MEGF11: variants seen among roughly 807,000 people sequenced by gnomAD.
The protein encoded by MEGF11 is multiple EGF like domains 11.
Under a neutral mutation model 146.6 loss-of-function variants are expected in MEGF11, and 126 were observed. That is an observed-to-expected ratio of 0.86 (90% confidence interval 0.74 to 1.00). The LOEUF (loss-of-function observed/expected upper bound fraction) is 1.00, where lower values mean the gene tolerates loss of function less well. MEGF11 is among the 50% of genes least tolerant of loss of function. The pLI is 0.00. For missense variants in MEGF11, 1,509 were observed against 1,521.2 expected (o/e 0.99, Z 0.13); for synonymous variants, 532 against 583.4 (o/e 0.91, Z 1.27).
At chr15:65,977,471 C>T (rs1276397591) in intron 7 of MEGF11, among the ~76,000 whole-genome samples, 1 of 149,738 alleles carries the variant, frequency 6.7e-6, no homozygotes, top group Non-Finnish European at 1.5e-5. Context: ...CAAAAACTCT[C>T]TCCCTCTTTT....
chr15:66,199,729 C>A (rs2091102873), intron 1 of MEGF11, among the ~76,000 whole-genome samples: 3 of 152,132 alleles, frequency 2.0e-5, no homozygotes, highest in African/African-American at 7.2e-5. Context: ...ATGGAGGCTG[C>A]AGTGAGCCAT....
intron 1 of MEGF11, among the ~76,000 whole-genome samples, chr15:66,241,241 G>A (rs1567295950): frequency 6.6e-6 from 1 of 152,222 alleles, no homozygotes; most frequent in Non-Finnish European, 1.5e-5. Context: ...TGTCCCCCAA[G>A]CTGGAGGCCC....
chr15:66,239,298 C>A (rs776394206), intron 1 of MEGF11, among the ~76,000 whole-genome samples: 2 of 152,186 alleles, frequency 1.3e-5, no homozygotes, highest in Admixed American at 1.3e-4. Flanking sequence ...CTGGTATCAA[C>A]CCCCATCTGA....
chr15:66,099,480 T>G (rs8028460), intron 4 of MEGF11, among the ~76,000 whole-genome samples: 131,991 of 152,034 alleles, frequency 0.87, 57,365 homozygotes, highest in East Asian at 0.94. Context: ...CCACCGCCCA[T>G]CCTGCCACTC....
intron 5 of MEGF11, among the ~76,000 whole-genome samples, chr15:66,056,119 C>G (rs775762563): frequency 1.6e-4 from 25 of 152,156 alleles, no homozygotes; most frequent in Non-Finnish European, 3.1e-4. Flanking sequence ...GGAATCTGTA[C>G]TTTAACGAGG....
intron 1 of MEGF11, among the ~76,000 whole-genome samples, chr15:66,171,109 C>T (rs535615913): frequency 2.0e-5 from 3 of 152,244 alleles, no homozygotes; most frequent in Non-Finnish European, 2.9e-5. Context: ...CTTGAAGAAG[C>T]TGCTGAAGAG....
chr15:66,088,655 C>CA (rs5813374), intron 5 of MEGF11, among the ~76,000 whole-genome samples: 38 of 146,216 alleles, frequency 2.6e-4, no homozygotes, highest in African/African-American at 8.5e-4. Context: ...ACTTCATTCT[C>CA]AAAAAAAAAA....
intron 15 of MEGF11, among the ~76,000 whole-genome samples, chr15:65,921,390 AC>A (rs1240644434): frequency 6.6e-6 from 1 of 151,632 alleles, no homozygotes; most frequent in Non-Finnish European, 1.5e-5. Flanking sequence ...CCCATTTCCC[AC>A]CCCCAGCTAC....
chr15:66,205,232 G>C (rs2091269293), intron 1 of MEGF11, among the ~76,000 whole-genome samples: 1 of 152,136 alleles, frequency 6.6e-6, no homozygotes, highest in African/African-American at 2.4e-5. Flanking sequence ...CTTGAGGCTA[G>C]GAGTTTGCGA....
chr15:66,161,273 G>A (rs2089944191), intron 1 of MEGF11, among the ~76,000 whole-genome samples: 2 of 152,184 alleles, frequency 1.3e-5, no homozygotes, highest in South Asian at 4.1e-4. Flanking sequence ...TCTCATCCAA[G>A]GGATCAACAG....
At chr15:66,158,180 A>G (rs1222755159) in intron 1 of MEGF11, among the ~76,000 whole-genome samples, 1 of 152,140 alleles carries the variant, frequency 6.6e-6, no homozygotes, top group Non-Finnish European at 1.5e-5. Context: ...GTTTAAAATC[A>G]TTTTCACCCC....
intron 5 of MEGF11, among the ~76,000 whole-genome samples, chr15:66,055,724 T>C (rs527678962): frequency 1.3e-5 from 2 of 152,316 alleles, no homozygotes; most frequent in Admixed American, 1.3e-4. Flanking sequence ...CAACTTGTTG[T>C]TCAGTTACTA....
intron 1 of MEGF11, among the ~76,000 whole-genome samples, chr15:66,136,086 T>C (rs1468661598): frequency 6.6e-6 from 1 of 152,214 alleles, no homozygotes. Context: ...GGCAGCAGAA[T>C]TGGATTCTAG....
chr15:65,955,783 T>C (rs868329681), intron 10 of MEGF11, among the ~76,000 whole-genome samples: 2 of 8,928 alleles, frequency 2.2e-4, no homozygotes, highest in Non-Finnish European at 3.2e-4. Flanking sequence ...TATATATATA[T>C]ATATATATAT....
chr15:66,008,309 T>C (rs2082581551), intron 5 of MEGF11, among the ~76,000 whole-genome samples: 1 of 152,024 alleles, frequency 6.6e-6, no homozygotes, highest in Non-Finnish European at 1.5e-5. Flanking sequence ...TCAACCCTTT[T>C]TCTAAGCACT....
At chr15:66,185,617 C>A (rs925942583) in intron 1 of MEGF11, among the ~76,000 whole-genome samples, 5 of 152,170 alleles carry the variant, frequency 3.3e-5, no homozygotes, top group Admixed American at 3.3e-4. Flanking sequence ...TCCCCAGACC[C>A]TGTCAAAGAC....
intron 4 of MEGF11, among the ~76,000 whole-genome samples, chr15:66,098,137 G>C (rs1242673144): frequency 6.6e-6 from 1 of 152,216 alleles, no homozygotes; most frequent in East Asian, 1.9e-4. Flanking sequence ...CAGAGGTACA[G>C]ATGGAAGGCC....
chr15:66,031,441 A>C (rs1567209941), intron 5 of MEGF11, among the ~76,000 whole-genome samples: 4 of 151,750 alleles, frequency 2.6e-5, no homozygotes, highest in Admixed American at 2.0e-4. Flanking sequence ...AGATCACTAC[A>C]CTCTCTCCCA....
At chr15:65,960,877 C>A (rs138105017) in intron 9 of MEGF11, among the ~76,000 whole-genome samples, 2 of 152,266 alleles carry the variant, frequency 1.3e-5, no homozygotes, top group African/African-American at 4.8e-5. Flanking sequence ...ACTTTGGCTG[C>A]TCAGGGATAT....
Sources: allele counts gnomAD v4.1 joint callset (sites outside exome capture counted in the v4.1 genomes callset), GRCh38; gene constraint gnomAD v4.1.1; transcripts MANE v1.5; gene names NCBI Gene and HGNC (gene_info 2026-07-23, HGNC 2026-07-21).